Variants in PCDH11X observed in about 807,000 individuals in gnomAD.
The protein encoded by PCDH11X is protocadherin 11 X-linked.
In PCDH11X, 18 loss-of-function variants were observed where a neutral mutation model predicts 53.3. The ratio of observed to expected loss-of-function variants is 0.34; its 90% CI spans 0.23 to 0.50. The LOEUF is 0.50. Ranked by LOEUF, PCDH11X falls within the 20% of genes least tolerant of loss-of-function variation. PCDH11X has a pLI of 0.98. For missense variants in PCDH11X, 570 were observed against 1,032.4 expected, an observed-to-expected ratio of 0.55 and a Z score of 6.14; for synonymous variants, 279 against 393.3, an observed-to-expected ratio of 0.71 and a Z score of 3.44.
intron 10 of PCDH11X, among the ~76,000 whole-genome samples, chrX:92,483,205 T>C (rs2073545345): frequency 8.9e-6 from 1 of 111,756 alleles, no homozygotes; most frequent in African/African-American, 3.3e-5. Context: ...CATATTTTGT[T>C]CTTTTACAAA....
At chrX:92,031,561 C>A (rs1480137392) in intron 6 of PCDH11X, among the ~76,000 whole-genome samples, 2 of 111,377 alleles carry the variant, frequency 1.8e-5, no homozygotes, top group Non-Finnish European at 3.8e-5. Context: ...TTTGCCCAGA[C>A]CAATGTCCTG....
intron 10 of PCDH11X, among the ~76,000 whole-genome samples, chrX:92,503,845 A>G (rs1056217297): frequency 1.6e-4 from 18 of 110,459 alleles, no homozygotes; most frequent in Non-Finnish European, 3.4e-4. Context: ...AATCCTGCAC[A>G]TGTACCCCTA....
Position 92,559,580 on chromosome X carries a change from G to A in PCDH11X, c.3368-58684G>A, listed in dbSNP as rs2180639. ...GAGAAGAGACAGTCTTGAATTACTG[G>A]TGCCACCTCTCCTTCATCTAATAGC... is the stretch of plus-strand genomic sequence containing the variant. On this transcript the variant is annotated intron_variant, in intron 10 of 10. Transcript: ENST00000682573. Among the ~76,000 whole-genome samples, 197 of 111,537 alleles carry A rather than the reference G, an allele frequency of 1.8e-3. 1 individual carries two copies. The highest frequency in any genetic ancestry group is 6.3e-3 in the African/African-American group (193 of 30,636).
intron 10 of PCDH11X, among the ~76,000 whole-genome samples, chrX:92,480,989 C>T (rs1225365369): frequency 9.0e-6 from 1 of 110,625 alleles, no homozygotes; most frequent in Non-Finnish European, 1.9e-5. Context: ...GGTGACTGTG[C>T]ATGTGGTCAT....
At chrX:91,938,756 G>A (rs2061475405) in intron 6 of PCDH11X, among the ~76,000 whole-genome samples, 1 of 110,854 alleles carries the variant, frequency 9.0e-6, no homozygotes, top group African/African-American at 3.3e-5. Flanking sequence ...CTAAGGCACT[G>A]AACAGAGTAC....
At chrX:92,163,215 C>T (rs2065672628) in intron 6 of PCDH11X, among the ~76,000 whole-genome samples, 1 of 110,339 alleles carries the variant, frequency 9.1e-6, no homozygotes, top group Non-Finnish European at 1.9e-5. Context: ...GAGTTTGTTT[C>T]CAGGCAGTGG....
intron 6 of PCDH11X, among the ~76,000 whole-genome samples, chrX:91,998,558 T>C (rs1232453633): frequency 1.8e-5 from 2 of 111,232 alleles, no homozygotes; most frequent in Non-Finnish European, 3.8e-5. Flanking sequence ...TCATCTTTAT[T>C]GTTTTTTTAT....
intron 6 of PCDH11X, among the ~76,000 whole-genome samples, chrX:91,945,999 G>A (rs1476085808): frequency 1.8e-5 from 2 of 108,425 alleles, no homozygotes; most frequent in Non-Finnish European, 3.9e-5. Context: ...CTTTTAATTG[G>A]GACACACAAC....
chrX:91,862,288 G>T (rs1247474600), intron 5 of PCDH11X, among the ~76,000 whole-genome samples: 1 of 106,583 alleles, frequency 9.4e-6, no homozygotes, highest in Non-Finnish European at 1.9e-5. Flanking sequence ...CTAGTTATTG[G>T]CCTGTTCAGG....
intron 8 of PCDH11X, among the ~76,000 whole-genome samples, chrX:92,332,121 T>C (rs995901656): frequency 3.6e-5 from 4 of 111,962 alleles, no homozygotes; most frequent in African/African-American, 9.7e-5. Flanking sequence ...TACAGTGAAA[T>C]CACCACCATT....
At chrX:92,161,077 T>C (rs2065634758) in intron 6 of PCDH11X, among the ~76,000 whole-genome samples, 1 of 110,995 alleles carries the variant, frequency 9.0e-6, no homozygotes, top group African/African-American at 3.3e-5. Flanking sequence ...TAGTCCTTTG[T>C]TGTATGTATA....
intron 8 of PCDH11X, among the ~76,000 whole-genome samples, chrX:92,377,344 T>A (rs2070774694): frequency 9.1e-6 from 1 of 110,325 alleles, no homozygotes; most frequent in African/African-American, 3.3e-5. Flanking sequence ...TTTATAGAGC[T>A]CTTAAGCACA....
At chrX:92,486,874 A>T (rs906410908) in intron 10 of PCDH11X, among the ~76,000 whole-genome samples, 1 of 107,590 alleles carries the variant, frequency 9.3e-6, no homozygotes, top group African/African-American at 3.4e-5. Flanking sequence ...ATCTTTTTAG[A>T]GATAATGTAT....
chrX:91,922,520 A>T (rs1403269889), intron 6 of PCDH11X, among the ~76,000 whole-genome samples: 1 of 111,788 alleles, frequency 8.9e-6, no homozygotes, highest in Non-Finnish European at 1.9e-5. Flanking sequence ...CGGGCAAAGA[A>T]ATGAAGCTTC....
intron 6 of PCDH11X, chrX:92,114,049 G>T: frequency 1.7e-6 from 2 of 1,192,503 alleles, no homozygotes; most frequent in South Asian, 1.8e-5. Context: ...ACGCACATTG[G>T]TGCCCCTGAT....
intron 10 of PCDH11X, among the ~76,000 whole-genome samples, chrX:92,512,400 A>G (rs1029705781): frequency 2.7e-5 from 3 of 111,851 alleles, no homozygotes; most frequent in Admixed American, 9.6e-5. Flanking sequence ...GGGACATAAT[A>G]TAATGATAAT....
intron 7 of PCDH11X, among the ~76,000 whole-genome samples, chrX:92,205,597 GTTTTT>G (rs5902997): frequency 2.9e-5 from 2 of 68,443 alleles, no homozygotes; most frequent in Non-Finnish European, 2.9e-5. Flanking sequence ...CTAAATCAAT[GTTTTT>G]TTTTTTTTTT....
intron 9 of PCDH11X, among the ~76,000 whole-genome samples, chrX:92,419,380 A>G (rs1273552009): frequency 9.6e-6 from 1 of 104,605 alleles, no homozygotes; most frequent in East Asian, 3.0e-4. Flanking sequence ...CAGCTTCCCA[A>G]ATAGCTGGGA....
In PCDH11X at chrX:92,222,329, C is replaced by T. The variant is rs990967091; in HGVS notation, c.3114+20874C>T. 6.3e-5 allele frequency among the ~76,000 whole-genome samples: 7 copies of T among 111,537 alleles called. No homozygotes were observed. The East Asian group carries it at 1.1e-3, about 18-fold the overall frequency. Reference sequence around the variant, plus strand: ...GGATTGCCCTATTTAAATGTTAGTGCCCAAATGTAAAAGAAAAAATACTAC... The same window carrying T: ...GGATTGCCCTATTTAAATGTTAGTGTCCAAATGTAAAAGAAAAAATACTAC... On this transcript the variant is annotated intron_variant, in intron 7 of 10. Coordinates refer to ENST00000682573, the MANE Select transcript of PCDH11X (RefSeq NM_032968.5).
Sources: allele counts gnomAD v4.1 joint callset (sites outside exome capture counted in the v4.1 genomes callset), GRCh38; gene constraint gnomAD v4.1.1; transcripts MANE v1.5; gene names NCBI Gene and HGNC (gene_info 2026-07-23, HGNC 2026-07-21).